STARD9: variants seen among roughly 807,000 people sequenced by gnomAD.
STARD9 encodes the protein StAR related lipid transfer domain containing 9.
STARD9 carries 346 observed loss-of-function variants against 399.8 expected under a neutral mutation model. The ratio of observed to expected loss-of-function variants is 0.87; its 90% confidence interval spans 0.79 to 0.95. STARD9 has a LOEUF of 0.95. Among genes scored for constraint, STARD9 ranks in the 40% least tolerant of loss-of-function variants. The probability of loss-of-function intolerance (pLI) is 0.00; values close to 1 mark genes in which losing one functional copy is unlikely to be tolerated. For synonymous variants in STARD9, 2,203 were observed against 2,143.5 expected (o/e 1.03, Z -0.77); for missense variants, 5,832 against 5,667.5 (o/e 1.03, Z -0.93).
chr15:42,600,865 T>TC (rs1357363487), intron 3 of STARD9, among the ~76,000 whole-genome samples: 4 of 150,242 alleles, frequency 2.7e-5, no homozygotes, highest in Non-Finnish European at 4.4e-5. Flanking sequence ...TTTCTTTCTT[T>TC]TTTTTTTTTT....
At position 42,685,724 on chromosome 15, in the gene STARD9, AC is replaced by A; in HGVS notation, c.4147del (p.Leu1383Ter). On this transcript the variant is annotated frameshift_variant, in exon 23 of 33. Coordinates refer to ENST00000290607, the MANE Select transcript of STARD9 (RefSeq NM_020759.3). LOFTEE classifies it high-confidence loss of function. Reference protein sequence around the residue: ...RPGYWPNTEELKPSDAETVLP... With the variant: ...RPGYWPNTEEXKPSDAETVLP... Reference sequence around the variant, plus strand: ...CTGGATACTGGCCAAATACTGAGGAACTAAAGCCATCAGATGCAGAAACGGT... The same window carrying A: ...CTGGATACTGGCCAAATACTGAGGAATAAAGCCATCAGATGCAGAAACGGT... 6.5e-7 allele frequency: 1 copy of A among 1,537,448 alleles called. No homozygotes were observed. Among genetic ancestry groups the A allele is most frequent in the East Asian group, 2.4e-5 (1 of 40,926 alleles).
rs2060085864 is a variant in STARD9 at position 42,665,647 on chromosome 15, A to T, written c.1255-139A>T. On this transcript the variant is annotated intron_variant, in intron 14 of 32. Coordinates refer to ENST00000290607, the MANE Select transcript of STARD9 (RefSeq NM_020759.3). Reference sequence around the variant, plus strand: ...TCTTTGTACCAATATGAGCCCAAATACTTAGGCTCCTGATTTCTTATTTTA... The same window carrying T: ...TCTTTGTACCAATATGAGCCCAAATTCTTAGGCTCCTGATTTCTTATTTTA... The T allele has an allele frequency of 4.0e-5, 30 of 745,104 alleles. No individual in the cohort carries two copies. In the South Asian group the frequency reaches 5.2e-4, roughly 13 times the overall value. 46.2% of individuals were successfully genotyped at this position (745,104 alleles called of 1,614,324 possible).
In STARD9 at chr15:42,693,867, G is replaced by T; in HGVS notation, c.12289G>T (p.Ala4097Ser). The T allele has an allele frequency of 1.3e-6, 2 of 1,535,772 alleles. No homozygotes were observed. The highest frequency in any genetic ancestry group is 1.7e-6 in the Non-Finnish European group (2 of 1,146,014). ...CCCTGTCTCTGAGTTGACTGATACT[G>T]CAGGGCTCCGAGGTTCTGCCTTGGG... is the stretch of plus-strand genomic sequence containing the variant. ...PCPVSELTDT[A>S]GLRGSALGLP... Residue 4097 changes from alanine (A) to serine (S), a missense_variant, in exon 23 of 33, where the codon GCA becomes TCA. This residue lies in a region of STARD9 where 5,828 missense variants were observed against 5,651.1 expected (regional missense o/e 1.03). Transcript: ENST00000290607.
At chr15:42,656,120 C>G (rs1168757346) in intron 9 of STARD9, among the ~76,000 whole-genome samples, 2 of 151,944 alleles carry the variant, frequency 1.3e-5, no homozygotes, top group Non-Finnish European at 2.9e-5. Flanking sequence ...CTTTGGGAGT[C>G]TGAGGCAGGT....
In STARD9 at chr15:42,585,531, G is replaced by T; in HGVS notation, c.128G>T (p.Arg43Leu). 1 of 1,536,602 alleles carries T rather than the reference G, an allele frequency of 6.5e-7. No homozygotes were observed. Among genetic ancestry groups the T allele is most frequent in the Non-Finnish European group, 8.7e-7 (1 of 1,146,478 alleles). The change falls in exon 3 of 33, where the codon CGA becomes CTA. Residue 43 changes from arginine to leucine, a missense_variant. By Grantham distance (102) the Arg-to-Leu change is moderately radical. Coordinates refer to ENST00000290607, the MANE Select transcript of STARD9 (RefSeq NM_020759.3). ...AKIRNLKVDN[R>L]PDGFGDSREK... ...TATGTTTGATTTTAGGTGGACAATC[G>T]ACCAGATGGCTTTGGGGACTCCCGG... is the stretch of plus-strand genomic sequence containing the variant.
rs1480039290 is a variant in STARD9 at position 42,691,788 on chromosome 15, A to G, written c.10210A>G (p.Thr3404Ala). 6.5e-7 allele frequency: 1 copy of G among 1,537,010 alleles called. No homozygotes were observed. The highest frequency in any genetic ancestry group is 1.4e-5 in the African/African-American group (1 of 73,080). Residue 3404 changes from threonine (T) to alanine (A), a missense_variant, in exon 23 of 33, where the codon ACC becomes GCC. Physicochemically the swap from Thr to Ala is moderately conservative, Grantham distance 58 (BLOSUM62 0). Transcript: ENST00000290607. Reference sequence around the variant, plus strand: ...CGATCACAGGCACCTGAAGCCTGCCACCCCTCCTTATCCAATGCCTTCCAC... The same window carrying G: ...CGATCACAGGCACCTGAAGCCTGCCGCCCCTCCTTATCCAATGCCTTCCAC... ...TTDHRHLKPA[T>A]PPYPMPSTLS... is the part of the protein sequence containing the mutation.
At chr15:42,604,117 C>T (rs2058683757) in intron 3 of STARD9, among the ~76,000 whole-genome samples, 1 of 152,152 alleles carries the variant, frequency 6.6e-6, no homozygotes. Context: ...CAGGAGTGAA[C>T]AAGGTAGCCT....
At chr15:42,702,916 C>G (rs1158705841) in intron 26 of STARD9, among the ~76,000 whole-genome samples, 2 of 152,100 alleles carry the variant, frequency 1.3e-5, no homozygotes, top group Non-Finnish European at 2.9e-5. Flanking sequence ...ATTGGAGCTC[C>G]TTTACTTGTT....
At chr15:42,708,962 C>G (rs2061149603) in intron 26 of STARD9, among the ~76,000 whole-genome samples, 1 of 151,996 alleles carries the variant, frequency 6.6e-6, no homozygotes. Context: ...ATAAGTATGT[C>G]TCATGCAATA....
intron 3 of STARD9, among the ~76,000 whole-genome samples, chr15:42,611,887 TA>T (rs1182658681): frequency 6.6e-6 from 1 of 152,196 alleles, no homozygotes; most frequent in East Asian, 1.9e-4. Flanking sequence ...ACAGTAACTA[TA>T]AGAGACTAAT....
intron 26 of STARD9, among the ~76,000 whole-genome samples, chr15:42,704,024 C>A (rs1370292813): frequency 6.6e-6 from 1 of 152,174 alleles, no homozygotes; most frequent in Non-Finnish European, 1.5e-5. Context: ...TCTCCTGCCT[C>A]AGCCTCCCGA....
intron 3 of STARD9, among the ~76,000 whole-genome samples, chr15:42,631,709 A>G (rs1241861113): frequency 6.6e-6 from 1 of 152,050 alleles, no homozygotes; most frequent in Non-Finnish European, 1.5e-5. Flanking sequence ...ATTGATTTCT[A>G]ATTTTATTCC....
In STARD9 at chr15:42,694,594, G is replaced by A. The variant is rs920590652; in HGVS notation, c.12831G>A (p.Thr4277=). 23 of 1,537,068 alleles carry A rather than the reference G, an allele frequency of 1.5e-5. 1 individual carries two copies. The highest frequency in any genetic ancestry group is 2.7e-5 in the African/African-American group (2 of 73,020). The part of the protein sequence containing the change: ...RAERLGNFCR[T]RSLSPQKQLS... ...AGCGACTTGGGAACTTCTGCCGGAC[G>A]CGAAGCCTTAGCCCTCAGAAACAAC... The change falls in exon 24 of 33, where the codon ACG becomes ACA. Residue 4277 remains threonine, a synonymous_variant. Coordinates refer to ENST00000290607, the MANE Select transcript of STARD9 (RefSeq NM_020759.3).
rs779222293 is a variant in STARD9 at position 42,682,296 on chromosome 15, GAC to G, written c.2263_2264del (p.Thr755SerfsTer45). 1 of 1,537,274 alleles carries G rather than the reference GAC, an allele frequency of 6.5e-7. No individual in the cohort carries two copies. The highest frequency in any genetic ancestry group is 1.2e-5 in the South Asian group (1 of 84,068). ...GTGGTGCACCTGCAGCTCCTGCGGA[GAC>G]ACACTCTTCGGGCAGCAGAGCGGAA... On this transcript the variant is annotated frameshift_variant, in exon 22 of 33. Coordinates refer to ENST00000290607, the MANE Select transcript of STARD9 (RefSeq NM_020759.3). LOFTEE classifies it high-confidence loss of function.
intron 3 of STARD9, among the ~76,000 whole-genome samples, chr15:42,601,132 C>T (rs950335590): frequency 6.6e-6 from 1 of 152,070 alleles, no homozygotes; most frequent in Non-Finnish European, 1.5e-5. Flanking sequence ...GCCCTTAATC[C>T]ATTTAACCCT....
chr15:42,691,201 C>G lies in STARD9; in HGVS notation c.9623C>G (p.Pro3208Arg), dbSNP rs2060687889. ...ACCTGCAGCCCCCAGGAAGACAGTCCCTGGCAGGAAGAAGAGCAGCACAGA... is the reference window on the plus strand; with the variant it reads ...ACCTGCAGCCCCCAGGAAGACAGTCGCTGGCAGGAAGAAGAGCAGCACAGA... Reference protein sequence around the residue: ...KHTCSPQEDSPWQEEEQHRDQ... With the variant: ...KHTCSPQEDSRWQEEEQHRDQ... The change falls in exon 23 of 33, where the codon CCC (proline) becomes CGC (arginine). Residue 3208 changes from proline (P) to arginine (R), a missense_variant. Physicochemically the swap from Pro to Arg is moderately radical, Grantham distance 103. This residue lies in a region of STARD9 where 5,828 missense variants were observed against 5,651.1 expected (regional missense o/e 1.03). Transcript: ENST00000290607. 1 of 1,537,084 alleles carries G rather than the reference C, an allele frequency of 6.5e-7. No individual in the cohort carries two copies.
intron 3 of STARD9, among the ~76,000 whole-genome samples, chr15:42,601,143 T>G (rs886800916): frequency 7.2e-5 from 11 of 152,146 alleles, no homozygotes; most frequent in African/African-American, 1.2e-4. Context: ...ATTTAACCCT[T>G]AGTGGACACA....
chr15:42,611,340 CAG>C (rs1384236670), intron 3 of STARD9, among the ~76,000 whole-genome samples: 1 of 152,204 alleles, frequency 6.6e-6, no homozygotes, highest in Non-Finnish European at 1.5e-5. Flanking sequence ...AAAAGTTTGC[CAG>C]TGTCTGCCTT....
chr15:42,674,583 A>G, intron 17 of STARD9, 92 bp downstream of exon 17: 1 of 1,324,364 alleles, frequency 7.6e-7, no homozygotes, highest in African/African-American at 1.5e-5. Flanking sequence ...TCTGAGAAGA[A>G]GGGAATCATT....
Sources: gnomAD v4.1 joint callset for allele counts (sites outside exome capture counted in the v4.1 genomes callset) on GRCh38, gnomAD v4.1.1 for gene constraint, gnomAD v4.1.1 regional missense constraint, MANE v1.5 for transcripts, NCBI Gene and HGNC (gene_info 2026-07-23, HGNC 2026-07-21) for gene names.